Variants in CNTN4 observed in about 807,000 individuals in gnomAD.
CNTN4 encodes contactin 4, also known as contactin-4.
Under a neutral mutation model 122.5 loss-of-function variants are expected in CNTN4, and 77 were observed. The observed-to-expected ratio is 0.63, with a 90% CI of 0.52 to 0.76. The LOEUF (loss-of-function observed/expected upper bound fraction) is 0.76, where lower values mean the gene tolerates loss of function less well. Ranked by LOEUF, CNTN4 falls within the 30% of genes least tolerant of loss-of-function variation. The pLI, the probability that CNTN4 is intolerant of heterozygous loss-of-function variation, is 0.00. For missense variants in CNTN4, 1,256 were observed against 1,259.1 expected (o/e 1.00, Z 0.04); for synonymous variants, 512 against 447.0 (o/e 1.15, Z -1.83).
intron 12 of CNTN4, among the ~76,000 whole-genome samples, chr3:2,916,186 T>C (rs1188419351): frequency 6.6e-6 from 1 of 152,234 alleles, no homozygotes; most frequent in Non-Finnish European, 1.5e-5. Context: ...ATGTACTTTT[T>C]TTTTCTTTTT....
intron 2 of CNTN4, among the ~76,000 whole-genome samples, chr3:2,271,567 G>A (rs763322846): frequency 2.6e-5 from 4 of 152,082 alleles, no homozygotes; most frequent in Non-Finnish European, 5.9e-5. Context: ...AATGTTCTAT[G>A]TAATTACTTA....
intron 4 of CNTN4, among the ~76,000 whole-genome samples, chr3:2,721,405 G>A (rs1045932482): frequency 6.6e-6 from 1 of 152,192 alleles, no homozygotes; most frequent in African/African-American, 2.4e-5. Context: ...AAGTTAGGAT[G>A]CAGAAATAAT....
rs57013365 is a variant in CNTN4, at chr3:2,798,366, A to ATCTGTCTACCT, written c.359-21120_359-21119insTCTGTCTACCT. 1.8e-4 allele frequency among the ~76,000 whole-genome samples: 24 copies of ATCTGTCTACCT among 135,464 alleles called. 1 individual carries two copies. The East Asian group carries it at 3.5e-3, about 20-fold the overall frequency. 88.9% of individuals were successfully genotyped at this position (135,464 alleles called of 152,430 possible). A position where few individuals can be genotyped will look rare whatever the true frequency, so the allele number is the denominator to read the frequency against. On this transcript the variant is annotated intron_variant, in intron 6 of 24. Transcript: ENST00000418658. ...TACATACTATATCTATACACACATA[A>ATCTGTCTACCT]ATCTATCTATCTATCTATCTATCTA...
At chr3:2,185,258 G>T (rs893040915) in intron 2 of CNTN4, among the ~76,000 whole-genome samples, 1 of 152,024 alleles carries the variant, frequency 6.6e-6, no homozygotes, top group Admixed American at 6.6e-5. Flanking sequence ...TCTTCTTTGG[G>T]GCAGAAATGG....
At chr3:2,406,060 A>T (rs1446563348) in intron 3 of CNTN4, among the ~76,000 whole-genome samples, 1 of 152,056 alleles carries the variant, frequency 6.6e-6, no homozygotes, top group Admixed American at 6.6e-5. Context: ...AAGAGAAAAA[A>T]AAAACTATGG....
At chr3:2,474,999 T>C (rs1418467844) in intron 3 of CNTN4, among the ~76,000 whole-genome samples, 1 of 152,212 alleles carries the variant, frequency 6.6e-6, no homozygotes, top group Non-Finnish European at 1.5e-5. Context: ...TTCAATATTT[T>C]CATGTAAACA....
chr3:2,222,658 C>G (rs2039106712), intron 2 of CNTN4, among the ~76,000 whole-genome samples: 2 of 151,654 alleles, frequency 1.3e-5, no homozygotes, highest in African/African-American at 4.9e-5. Context: ...GCACAACCCC[C>G]CACACCCCCA....
chr3:2,711,139 A>G lies in CNTN4; in HGVS notation c.56-25076A>G, dbSNP rs1034996639. On this transcript the variant is annotated intron_variant, in intron 4 of 24. Coordinates refer to ENST00000418658, the MANE Select transcript of CNTN4 (RefSeq NM_175607.3). ...GTTTTTGATGACTTCCTCAGGCAAC[A>G]TAGTGTCACACACAGCAAGAGGGTC... 7.4e-4 allele frequency among the ~76,000 whole-genome samples: 112 copies of G among 152,304 alleles called. 2 individuals carry two copies. The highest frequency in any genetic ancestry group is 2.5e-3 in the African/African-American group (105 of 41,574).
At chr3:2,131,871 T>C (rs1485644962) in intron 2 of CNTN4, among the ~76,000 whole-genome samples, 1 of 152,216 alleles carries the variant, frequency 6.6e-6, no homozygotes, top group Non-Finnish European at 1.5e-5. Context: ...TTTTCTTATT[T>C]GTAATCTGAG....
chr3:3,043,314 A>G, intron 22 of CNTN4, 151 bp downstream of exon 22: 1 of 836,450 alleles, frequency 1.2e-6, no homozygotes, highest in East Asian at 2.6e-5. Context: ...ACCTTTCCGT[A>G]TACCACGCAA....
intron 2 of CNTN4, among the ~76,000 whole-genome samples, chr3:2,267,259 G>A (rs774736658): frequency 2.0e-5 from 3 of 152,026 alleles, no homozygotes; most frequent in Non-Finnish European, 4.4e-5. Context: ...CCTTTGAATT[G>A]ACCTGTGTGT....
At chr3:2,100,038 G>T (rs149755211) in intron 1 of CNTN4, among the ~76,000 whole-genome samples, 1 of 152,232 alleles carries the variant, frequency 6.6e-6, no homozygotes. Context: ...AGATCAGGCG[G>T]TTGCTTGCTG....
chr3:3,051,961 G>T (rs957472226), intron 23 of CNTN4, among the ~76,000 whole-genome samples: 1 of 152,108 alleles, frequency 6.6e-6, no homozygotes, highest in Admixed American at 6.6e-5. Flanking sequence ...CATTAGCTGG[G>T]AACTTGTCAG....
At chr3:2,105,446 C>T (rs183379247) in intron 2 of CNTN4, among the ~76,000 whole-genome samples, 6 of 152,218 alleles carry the variant, frequency 3.9e-5, no homozygotes, top group East Asian at 1.9e-4. Flanking sequence ...CACTCAGTTC[C>T]GCATGGCCTC....
chr3:2,587,865 G>C (rs1404253857), intron 4 of CNTN4, among the ~76,000 whole-genome samples: 1 of 151,710 alleles, frequency 6.6e-6, no homozygotes, highest in East Asian at 1.9e-4. Flanking sequence ...GAAACCCAAG[G>C]AGTCTAGAAC....
intron 2 of CNTN4, among the ~76,000 whole-genome samples, chr3:2,328,306 T>G (rs1145038): frequency 0.65 from 95,019 of 147,252 alleles, 31,926 homozygotes; most frequent in East Asian, 0.94. Flanking sequence ...CTCGGGAGGC[T>G]GAGGCAGGAG....
At chr3:2,762,038 A>G (rs927187069) in intron 6 of CNTN4, among the ~76,000 whole-genome samples, 2 of 152,194 alleles carry the variant, frequency 1.3e-5, no homozygotes, top group Non-Finnish European at 2.9e-5. Flanking sequence ...GAATGCATCA[A>G]TGAACTAGAC....
At chr3:2,546,440 T>C (rs1323156031) in intron 3 of CNTN4, among the ~76,000 whole-genome samples, 1 of 152,024 alleles carries the variant, frequency 6.6e-6, no homozygotes, top group African/African-American at 2.4e-5. Context: ...ATATTGTTAC[T>C]TATAAGTGAA....
chr3:2,818,789 C>A (rs2092798674), intron 6 of CNTN4, among the ~76,000 whole-genome samples: 1 of 152,114 alleles, frequency 6.6e-6, no homozygotes, highest in Admixed American at 6.6e-5. Flanking sequence ...AAACATTCTT[C>A]TAAAAAGAAC....
Sources: allele counts gnomAD v4.1 joint callset (sites outside exome capture counted in the v4.1 genomes callset), GRCh38; gene constraint gnomAD v4.1.1; transcripts MANE v1.5; gene names NCBI Gene and HGNC (gene_info 2026-07-23, HGNC 2026-07-21).